Variants in REEP3 observed in about 807,000 individuals in gnomAD.
The protein encoded by REEP3 is receptor expression-enhancing protein 3.
In REEP3, 20 loss-of-function variants were observed where a neutral mutation model predicts 41.3. That is an observed-to-expected ratio of 0.48 (90% confidence interval 0.34 to 0.70). The LOEUF (loss-of-function observed/expected upper bound fraction) is 0.70, where lower values mean the gene tolerates loss of function less well. REEP3 is among the 30% of genes least tolerant of loss of function. The probability of loss-of-function intolerance (pLI) is 0.01; values close to 1 mark genes in which losing one functional copy is unlikely to be tolerated. For missense variants in REEP3, 271 were observed against 308.8 expected (o/e 0.88, Z 0.92); for synonymous variants, 104 against 101.8 (o/e 1.02, Z -0.13).
chr10:63,619,491 C>T (rs1243910698), intron 6 of REEP3, among the ~76,000 whole-genome samples, 164 bp from the exon 7 acceptor site: 1 of 151,980 alleles, frequency 6.6e-6, no homozygotes, highest in East Asian at 1.9e-4. Flanking sequence ...TGGAATAGTG[C>T]GAGGCAAAGC....
At position 63,623,477 on chromosome 10, in the gene REEP3, A is replaced by G. The variant is rs1469356158; in HGVS notation, c.*2608A>G. The G allele has an allele frequency of 2.0e-5, 3 of 152,232 alleles. No homozygotes were observed. The highest frequency in any genetic ancestry group is 4.4e-5 in the Non-Finnish European group (3 of 68,078). 9.4% of individuals were successfully genotyped at this position (152,232 alleles called of 1,614,324 possible). ...GCCAGCACATGGAGCACGGGATTAG[A>G]TGCACAAACCTATTTAGGGAACTAT... On this transcript the variant is annotated 3_prime_UTR_variant, in exon 8 of 8. Transcript: ENST00000373758.
intron 6 of REEP3, among the ~76,000 whole-genome samples, 183 bp downstream of exon 6, chr10:63,610,517 A>C (rs1180938976): frequency 6.6e-6 from 1 of 152,158 alleles, no homozygotes. Context: ...ACCATGGCAC[A>C]TGTATACCTG....
intron 1 of REEP3, among the ~76,000 whole-genome samples, chr10:63,533,807 A>G (rs2133343241): frequency 6.7e-6 from 1 of 148,652 alleles, no homozygotes; most frequent in Middle Eastern, 3.5e-3. Flanking sequence ...TCCCGGGTTC[A>G]AGCAATTCTC....
intron 1 of REEP3, among the ~76,000 whole-genome samples, chr10:63,552,607 G>A (rs997123813): frequency 8.5e-5 from 13 of 152,166 alleles, no homozygotes; most frequent in African/African-American, 1.7e-4. Context: ...CCCTCATGAT[G>A]AGGAATTTTA....
At chr10:63,565,100 T>G (rs1043556899) in intron 1 of REEP3, among the ~76,000 whole-genome samples, 4 of 151,734 alleles carry the variant, frequency 2.6e-5, no homozygotes, top group Non-Finnish European at 1.5e-5. Context: ...CTACTAAAAA[T>G]ACAAAAAAAA....
intron 1 of REEP3, among the ~76,000 whole-genome samples, chr10:63,556,569 TTTTTGTTTTGTTTTG>T (rs71025191): frequency 0.47 from 61,063 of 128,698 alleles, 15,391 homozygotes; most frequent in Middle Eastern, 0.56. Flanking sequence ...ATTGGTGGGG[TTTTTGTTTTGTTTTG>T]TTTTGTTTTG....
chr10:63,605,462 A>G (rs1956216175), intron 5 of REEP3, among the ~76,000 whole-genome samples: 1 of 152,250 alleles, frequency 6.6e-6, no homozygotes, highest in Non-Finnish European at 1.5e-5. Flanking sequence ...TTTACTGAAT[A>G]GTATAATAAG....
intron 2 of REEP3, 49 bp downstream of exon 2, chr10:63,566,459 TACAC>T: frequency 9.5e-7 from 1 of 1,051,654 alleles, no homozygotes; most frequent in Non-Finnish European, 1.4e-6. Context: ...ATTTTAATGA[TACAC>T]ACTGAAAAAC....
At chr10:63,536,885 G>A (rs967470360) in intron 1 of REEP3, among the ~76,000 whole-genome samples, 1 of 152,184 alleles carries the variant, frequency 6.6e-6, no homozygotes, top group African/African-American at 2.4e-5. Context: ...TACAGCAACA[G>A]GATCCTTTTC....
intron 2 of REEP3, among the ~76,000 whole-genome samples, chr10:63,570,850 C>T (rs1433024499): frequency 6.6e-6 from 1 of 152,132 alleles, no homozygotes; most frequent in Non-Finnish European, 1.5e-5. Context: ...TGCAGTGGCT[C>T]ACACCTGTAA....
chr10:63,575,199 T>C (rs1955887894), intron 2 of REEP3, among the ~76,000 whole-genome samples: 1 of 152,194 alleles, frequency 6.6e-6, no homozygotes, highest in Admixed American at 6.5e-5. Flanking sequence ...AATCATTTTC[T>C]TTCAGAATTT....
chr10:63,599,617 GT>G (rs1466471833), intron 5 of REEP3: 39 of 833,214 alleles, frequency 4.7e-5, no homozygotes, highest in Non-Finnish European at 5.4e-5. Context: ...TGTCTTTGGT[GT>G]TCTTTCTCTC....
chr10:63,557,931 A>G (rs927526549), intron 1 of REEP3, among the ~76,000 whole-genome samples: 1 of 152,206 alleles, frequency 6.6e-6, no homozygotes, highest in Non-Finnish European at 1.5e-5. Context: ...TTCTTTTCAG[A>G]TGGAAGGAAG....
At position 63,545,719 on chromosome 10, in the gene REEP3, G is replaced by A. The variant is rs1326729612; in HGVS notation, c.33-20619G>A. ...TTTTTTTTTTTTGAGATGGAGTCTTGCTCTGTTGCCCACGCTGGAGTGCAG... is the reference window on the plus strand; with the variant it reads ...TTTTTTTTTTTTGAGATGGAGTCTTACTCTGTTGCCCACGCTGGAGTGCAG... On this transcript the variant is annotated intron_variant, in intron 1 of 7. Transcript: ENST00000373758. Among the ~76,000 whole-genome samples, 3 of 108,192 alleles carry A rather than the reference G, an allele frequency of 2.8e-5. 1 individual carries two copies. The allele number at this position is 108,192 out of a possible 152,430, so 71.0% of individuals were successfully genotyped here.
At chr10:63,554,380 T>C (rs1321745310) in intron 1 of REEP3, among the ~76,000 whole-genome samples, 1 of 152,216 alleles carries the variant, frequency 6.6e-6, no homozygotes, top group Non-Finnish European at 1.5e-5. Context: ...AGATATTTTT[T>C]TTATATGACA....
At chr10:63,523,020 C>A (rs916465386) in intron 1 of REEP3, among the ~76,000 whole-genome samples, 2,455 of 115,982 alleles carry the variant, frequency 0.021, no homozygotes, top group African/African-American at 0.046. Flanking sequence ...CTGTACTTTA[C>A]AAAAAAAAAA....
intron 2 of REEP3, among the ~76,000 whole-genome samples, chr10:63,581,425 A>G (rs772406388): frequency 2.6e-5 from 4 of 152,212 alleles, no homozygotes; most frequent in Non-Finnish European, 5.9e-5. Flanking sequence ...ATTGAAATGT[A>G]TTATACAAAT....
At chr10:63,563,077 A>G in intron 1 of REEP3, 3 of 450,098 alleles carry the variant, frequency 6.7e-6, no homozygotes, top group South Asian at 4.7e-5. Context: ...AGCCAAGGAA[A>G]GAGGCCTCAG....
chr10:63,552,923 T>C (rs1400139717), intron 1 of REEP3, among the ~76,000 whole-genome samples: 1 of 152,234 alleles, frequency 6.6e-6, no homozygotes, highest in Non-Finnish European at 1.5e-5. Flanking sequence ...AGAAATAAAG[T>C]TCCCACCTCT....
Sources: gnomAD v4.1 joint callset for allele counts (sites outside exome capture counted in the v4.1 genomes callset) on GRCh38, gnomAD v4.1.1 for gene constraint, MANE v1.5 for transcripts, NCBI Gene and HGNC (gene_info 2026-07-23, HGNC 2026-07-21) for gene names.